Variants in SLC7A6OS observed in about 807,000 individuals in gnomAD.
SLC7A6OS encodes solute carrier family 7 member 6 opposite strand, also known as probable RNA polymerase II nuclear localization protein SLC7A6OS.
In SLC7A6OS, 22 loss-of-function variants were observed where a neutral mutation model predicts 34.3. The observed-to-expected ratio is 0.64, with a 90% CI of 0.46 to 0.92. The LOEUF (loss-of-function observed/expected upper bound fraction) is 0.92, where lower values mean the gene tolerates loss of function less well. SLC7A6OS is among the 40% of genes least tolerant of loss of function. The pLI, the probability that SLC7A6OS is intolerant of heterozygous loss-of-function variation, is 0.00. For synonymous variants in SLC7A6OS, 199 were observed against 165.0 expected, an observed-to-expected ratio of 1.21 and a Z score of -1.58; for missense variants, 434 against 407.7, an observed-to-expected ratio of 1.06 and a Z score of -0.56.
intron 3 of SLC7A6OS, among the ~76,000 whole-genome samples, chr16:68,303,096 T>C (rs1597021086): frequency 6.6e-6 from 1 of 151,710 alleles, no homozygotes; most frequent in East Asian, 1.9e-4. Context: ...AAACCTTGTC[T>C]CTACTAAAAA....
Position 68,301,354 on chromosome 16 carries a change from T to C in SLC7A6OS, c.851A>G (p.Gln284Arg), listed in dbSNP as rs1480570483. Residue 284 changes from glutamine (Q) to arginine (R), a missense_variant, in exon 5 of 5, where the codon CAG (glutamine) becomes CGG (arginine). By Grantham distance (43) the Gln-to-Arg change is conservative. Coordinates refer to ENST00000263997, the MANE Select transcript of SLC7A6OS (RefSeq NM_032178.3). The stretch of plus-strand genomic sequence containing the variant: ...CAGAGGGTACTTGCTCCACATCCGC[T>C]GTCTGCTGCTGCCTCTTTCCTCCTC... ...LSEEERGSSR[Q>R]RMWSKYPLDV... is the part of the protein sequence containing the mutation. 1.9e-6 allele frequency: 3 copies of C among 1,614,194 alleles called. No individual in the cohort carries two copies. Among genetic ancestry groups the C allele is most frequent in the South Asian group, 1.1e-5 (1 of 91,078 alleles).
rs1032406576 is a variant in SLC7A6OS at position 68,310,357 on chromosome 16, G to A, written c.449C>T (p.Ala150Val). 7.5e-6 allele frequency: 12 copies of A among 1,607,440 alleles called. No individual in the cohort carries two copies. Among genetic ancestry groups the A allele is most frequent in the Non-Finnish European group, 1.0e-5 (12 of 1,175,302 alleles). Residue 150 changes from alanine (A) to valine (V), a missense_variant, in exon 2 of 5, where the codon GCC becomes GTC. Ala to Val is a moderately conservative substitution (Grantham distance 64). Transcript: ENST00000263997. ...CACTTTGCAGGAGCCTGCAGAGGCG[G>A]CTTCAGGTTCTCCCTCCTCGTGGAC... ...DLVHEEGEPE[A>V]ASAGSCKTSD... is the part of the protein sequence containing the mutation.
chr16:68,301,030 T>G lies in SLC7A6OS; in HGVS notation c.*245A>C. The G allele has an allele frequency of 6.0e-6, 7 of 1,164,076 alleles. No homozygotes were observed. In the South Asian group the frequency reaches 1.7e-4, roughly 28 times the overall value. 72.1% of individuals were successfully genotyped at this position (1,164,076 alleles called of 1,614,324 possible). ...AAGAAACCTTCCTTTTTTCAACGTT[T>G]TTTTTTCTTTCAAACTGTAGGGTCA... On this transcript the variant is annotated 3_prime_UTR_variant, in exon 5 of 5. Coordinates refer to ENST00000263997, the MANE Select transcript of SLC7A6OS (RefSeq NM_032178.3).
rs960639174 is a variant in SLC7A6OS, at chr16:68,300,072, G to A, written c.*1203C>T. 1.3e-5 allele frequency: 2 copies of A among 152,314 alleles called. No individual in the cohort carries two copies. The highest frequency in any genetic ancestry group is 1.9e-4 in the East Asian group (1 of 5,180). 9.4% of individuals were successfully genotyped at this position (152,314 alleles called of 1,614,324 possible). Reference sequence around the variant, plus strand: ...TGACAGTGAGTAAGAGACACTCACAGGCTATGAGGGTACACCCCTAGCTGA... The same window carrying A: ...TGACAGTGAGTAAGAGACACTCACAAGCTATGAGGGTACACCCCTAGCTGA... On this transcript the variant is annotated 3_prime_UTR_variant, in exon 5 of 5. Transcript: ENST00000263997.
intron 2 of SLC7A6OS, among the ~76,000 whole-genome samples, chr16:68,304,770 T>G (rs1206138521): frequency 6.6e-6 from 1 of 152,222 alleles, no homozygotes; most frequent in Admixed American, 6.5e-5. Context: ...GCTCCTGCTC[T>G]TTTGTGCTTG....
At chr16:68,310,152 T>A (rs2043432891) in intron 2 of SLC7A6OS, among the ~76,000 whole-genome samples, 183 bp downstream of exon 2, 1 of 152,134 alleles carries the variant, frequency 6.6e-6, no homozygotes, top group Non-Finnish European at 1.5e-5. Context: ...TCTAAAAAAA[T>A]ACCTGGCATA....
At chr16:68,307,365 T>C (rs1041198813) in intron 2 of SLC7A6OS, among the ~76,000 whole-genome samples, 6 of 152,218 alleles carry the variant, frequency 3.9e-5, no homozygotes, top group Non-Finnish European at 7.3e-5. Context: ...AGGATAAATC[T>C]TGGAGGTGAG....
chr16:68,303,967 T>C lies in SLC7A6OS; in HGVS notation c.678+59A>G, dbSNP rs539241288. On this transcript the variant is annotated intron_variant, in intron 3 of 4. Coordinates refer to ENST00000263997, the MANE Select transcript of SLC7A6OS (RefSeq NM_032178.3). ...AGTGGAGCCCAGGGAAGCAAAGCAT[T>C]CTGATTAGATTAAGAGCTTAGGATG... The C allele has an allele frequency of 1.3e-5, 19 of 1,471,290 alleles. 1 individual carries two copies. In the South Asian group the frequency reaches 1.9e-4, roughly 15 times the overall value. The allele number at this position is 1,471,290 out of a possible 1,614,324, so 91.1% of individuals were successfully genotyped here.
chr16:68,301,027 GTTT>G lies in SLC7A6OS; in HGVS notation c.*245_*247del, dbSNP rs904540749. 6.1e-6 allele frequency: 7 copies of G among 1,145,430 alleles called. 1 individual carries two copies. The South Asian group carries it at 2.1e-4, about 34-fold the overall frequency. 71.0% of individuals were successfully genotyped at this position (1,145,430 alleles called of 1,614,324 possible). A position where few individuals can be genotyped will look rare whatever the true frequency, so the allele number is the denominator to read the frequency against. On this transcript the variant is annotated 3_prime_UTR_variant, in exon 5 of 5. Coordinates refer to ENST00000263997, the MANE Select transcript of SLC7A6OS (RefSeq NM_032178.3). ...CTAAAGAAACCTTCCTTTTTTCAAC[GTTT>G]TTTTTTCTTTCAAACTGTAGGGTCA... is the stretch of plus-strand genomic sequence containing the variant.
rs1178336010 is a variant in SLC7A6OS, at chr16:68,301,286, C to A, written c.919G>T (p.Asp307Tyr). The part of the protein sequence containing the change: ...EFGYDSPHDL[D>Y]SD ...ACATCACAAGACCATCAGTCTGAAT[C>A]CAGGTCGTGGGGGCTGTCATAGCCG... The change falls in exon 5 of 5, where the codon GAT (aspartate) becomes TAT (tyrosine). Residue 307 changes from aspartate (D) to tyrosine (Y), a missense_variant. Physicochemically the swap from Asp to Tyr is radical, Grantham distance 160. Coordinates refer to ENST00000263997, the MANE Select transcript of SLC7A6OS (RefSeq NM_032178.3). 10 of 1,613,894 alleles carry A rather than the reference C, an allele frequency of 6.2e-6. No homozygotes were observed. In the African/African-American group the frequency reaches 1.3e-4, roughly 22 times the overall value.
rs766485012 is a variant in SLC7A6OS at position 68,303,975 on chromosome 16, G to T, written c.678+51C>A. The T allele has an allele frequency of 4.0e-6, 6 of 1,516,474 alleles. No individual in the cohort carries two copies. In the African/African-American group the frequency reaches 6.9e-5, roughly 17 times the overall value. The allele number at this position is 1,516,474 out of a possible 1,614,324, so 93.9% of individuals were successfully genotyped here. A position where few individuals can be genotyped will look rare whatever the true frequency, so the allele number is the denominator to read the frequency against. Reference sequence around the variant, plus strand: ...CCAGGGAAGCAAAGCATTCTGATTAGATTAAGAGCTTAGGATGCCTCATGC... The same window carrying T: ...CCAGGGAAGCAAAGCATTCTGATTATATTAAGAGCTTAGGATGCCTCATGC... On this transcript the variant is annotated intron_variant, in intron 3 of 4. Coordinates refer to ENST00000263997, the MANE Select transcript of SLC7A6OS (RefSeq NM_032178.3).
intron 4 of SLC7A6OS, chr16:68,301,681 G>C (rs2043279399): frequency 3.9e-6 from 1 of 254,828 alleles, no homozygotes; most frequent in Non-Finnish European, 7.4e-6. Flanking sequence ...TTTTGTTGTT[G>C]TAAGAGTTGT....
chr16:68,303,895 T>A (rs6499167), intron 3 of SLC7A6OS, 131 bp downstream of exon 3: 594,665 of 799,760 alleles, frequency 0.74, 223,268 homozygotes, highest in African/African-American at 0.95. Flanking sequence ...CTTAGAATAA[T>A]TTCTTCCTTT....
At chr16:68,303,001 C>T (rs1023905910) in intron 3 of SLC7A6OS, among the ~76,000 whole-genome samples, 15 of 152,300 alleles carry the variant, frequency 9.8e-5, no homozygotes, top group East Asian at 3.9e-4. Flanking sequence ...CGGTGGCTCA[C>T]GCCTGTAATC....
At position 68,310,348 on chromosome 16, in the gene SLC7A6OS, G is replaced by A; in HGVS notation, c.458C>T (p.Ala153Val). The change falls in exon 2 of 5, where the codon GCA (alanine) becomes GTA (valine). Residue 153 changes from alanine (A) to valine (V), a missense_variant. Physicochemically the swap from Ala to Val is moderately conservative, Grantham distance 64 (BLOSUM62 0). Coordinates refer to ENST00000263997, the MANE Select transcript of SLC7A6OS (RefSeq NM_032178.3). ...HEEGEPEAASAGSCKTSDPDV... is the reference protein window; with the variant it reads ...HEEGEPEAASVGSCKTSDPDV... Reference sequence around the variant, plus strand: ...GGGCATACTCACTTTGCAGGAGCCTGCAGAGGCGGCTTCAGGTTCTCCCTC... The same window carrying A: ...GGGCATACTCACTTTGCAGGAGCCTACAGAGGCGGCTTCAGGTTCTCCCTC... The A allele has an allele frequency of 6.2e-7, 1 of 1,605,270 alleles. No individual in the cohort carries two copies.
In SLC7A6OS at chr16:68,301,019, T is replaced by A. The variant is rs192357895; in HGVS notation, c.*256A>T. ...AGCTAAAGCTAAAGAAACCTTCCTTTTTTCAACGTTTTTTTTTCTTTCAAA... is the reference window on the plus strand; with the variant it reads ...AGCTAAAGCTAAAGAAACCTTCCTTATTTCAACGTTTTTTTTTCTTTCAAA... On this transcript the variant is annotated 3_prime_UTR_variant, in exon 5 of 5. Coordinates refer to ENST00000263997, the MANE Select transcript of SLC7A6OS (RefSeq NM_032178.3). 1 of 1,138,004 alleles carries A rather than the reference T, an allele frequency of 8.8e-7. No homozygotes were observed. Among genetic ancestry groups the A allele is most frequent in the African/African-American group, 1.6e-5 (1 of 62,250 alleles). The allele number at this position is 1,138,004 out of a possible 1,614,324, so 70.5% of individuals were successfully genotyped here. A position where few individuals can be genotyped will look rare whatever the true frequency, so the allele number is the denominator to read the frequency against.
At chr16:68,310,219 C>T (rs933480395) in intron 2 of SLC7A6OS, 116 bp downstream of exon 2, 10 of 1,166,698 alleles carry the variant, frequency 8.6e-6, no homozygotes, top group East Asian at 7.7e-5. Flanking sequence ...AAAATGAGGC[C>T]GTCACGCCGG....
Position 68,310,452 on chromosome 16 carries a change from G to T in SLC7A6OS, c.354C>A (p.Gly118=). Residue 118 remains glycine, a synonymous_variant, in exon 2 of 5, where the codon GGC becomes GGA. Transcript: ENST00000263997. ...SRRSLGTTSS[G]QESEYTPGNP... The stretch of plus-strand genomic sequence containing the variant: ...TCCCCGGCGTGTACTCGGACTCCTG[G>T]CCGCTCGAGGTGGTCCCCAAGGATC... 1 of 1,602,996 alleles carries T rather than the reference G, an allele frequency of 6.2e-7. No homozygotes were observed. Among genetic ancestry groups the T allele is most frequent in the Non-Finnish European group, 8.5e-7 (1 of 1,175,114 alleles).
rs753002487 is a variant in SLC7A6OS at position 68,310,617 on chromosome 16, G to A, written c.193-4C>T. ...GGAGAGGCTGGACTGGTTCCTCCTA[G>A]GGGGCAACAGGGGACGGAGGCCAGC... On this transcript the variant is annotated splice_polypyrimidine_tract_variant and splice_region_variant and intron_variant, in intron 1 of 4. Transcript: ENST00000263997. 24 of 1,591,744 alleles carry A rather than the reference G, an allele frequency of 1.5e-5. No homozygotes were observed. Among genetic ancestry groups the A allele is most frequent in the Non-Finnish European group, 1.8e-5 (21 of 1,166,778 alleles).
Sources: gnomAD v4.1 joint callset for allele counts (sites outside exome capture counted in the v4.1 genomes callset) on GRCh38, gnomAD v4.1.1 for gene constraint, MANE v1.5 for transcripts, NCBI Gene and HGNC (gene_info 2026-07-23, HGNC 2026-07-21) for gene names.